Variants in ZCCHC2 observed in about 807,000 individuals in gnomAD.
ZCCHC2 encodes the protein zinc finger CCHC domain-containing protein 2.
A neutral mutation model predicts 103.6 loss-of-function variants in ZCCHC2; 39 were observed. The observed-to-expected ratio is 0.38, with a 90% confidence interval of 0.29 to 0.49. The LOEUF is 0.49. ZCCHC2 is among the 20% of genes least tolerant of loss of function. The pLI is 0.96. For synonymous variants in ZCCHC2, 687 were observed against 608.9 expected (o/e 1.13, Z -1.89); for missense variants, 1,483 against 1,491.0 (o/e 0.99, Z 0.09).
At chr18:62,556,432 A>G in intron 6 of ZCCHC2, 135 bp downstream of exon 6, 1 of 687,490 alleles carries the variant, frequency 1.5e-6, no homozygotes, top group Non-Finnish European at 2.3e-6. Context: ...TGTCATTTTT[A>G]ATGAGTTTTT....
In ZCCHC2 at chr18:62,527,026, C is replaced by CCCCCCCCG. The variant is rs56300716; in HGVS notation, c.939+2666_939+2667insCCCCGCCC. 55 of 36,570 alleles carry CCCCCCCCG rather than the reference C, an allele frequency of 1.5e-3. 2 individuals are homozygous for CCCCCCCCG. Among genetic ancestry groups the CCCCCCCCG allele is most frequent in the Middle Eastern group, 0.014 (1 of 70 alleles). 2.3% of individuals were successfully genotyped at this position (36,570 alleles called of 1,614,324 possible). The stretch of plus-strand genomic sequence containing the variant: ...GCAGCATTTCCCCCGCCCCCCCCCC[C>CCCCCCCCG]CCCGAAAGTAACCTTTTAGACACAA... On this transcript the variant is annotated intron_variant, in intron 1 of 13. Coordinates refer to ENST00000269499, the MANE Select transcript of ZCCHC2 (RefSeq NM_017742.6).
At chr18:62,582,352 C>T (rs1917058328), downstream of ZCCHC2, among the ~76,000 whole-genome samples, 1 of 152,172 alleles carries the variant, frequency 6.6e-6, no homozygotes, top group Admixed American at 6.5e-5. Flanking sequence ...CTTTATTTTC[C>T]CTAGATGTAA....
chr18:62,528,051 G>A (rs1489170266), intron 1 of ZCCHC2, among the ~76,000 whole-genome samples: 2 of 152,164 alleles, frequency 1.3e-5, no homozygotes, highest in Admixed American at 1.3e-4. Context: ...TCATAGTAGT[G>A]GTTATTGATT....
At chr18:62,524,410 C>T in intron 1 of ZCCHC2, 47 bp downstream of exon 1, 1 of 1,428,586 alleles carries the variant, frequency 7.0e-7, no homozygotes, top group East Asian at 2.7e-5. Context: ...ATCGCTGCCC[C>T]GGCGGCCTCC....
chr18:62,537,455 G>A (rs1309387442), intron 1 of ZCCHC2, among the ~76,000 whole-genome samples: 1 of 152,184 alleles, frequency 6.6e-6, no homozygotes, highest in African/African-American at 2.4e-5. Context: ...GCAGGCGTGA[G>A]CTACCACACC....
At chr18:62,529,534 G>A (rs1914593426) in intron 1 of ZCCHC2, among the ~76,000 whole-genome samples, 1 of 152,204 alleles carries the variant, frequency 6.6e-6, no homozygotes, top group African/African-American at 2.4e-5. Context: ...TTTTAGGTTG[G>A]TTTGGCTACA....
At chr18:62,539,144 CAGTT>C (rs1267022295) in intron 1 of ZCCHC2, among the ~76,000 whole-genome samples, 1 of 152,172 alleles carries the variant, frequency 6.6e-6, no homozygotes, top group Non-Finnish European at 1.5e-5. Context: ...TGAGCAAACT[CAGTT>C]AGGTTTAGAG....
At chr18:62,571,913 G>A (rs1916613005) in intron 12 of ZCCHC2, among the ~76,000 whole-genome samples, 1 of 152,154 alleles carries the variant, frequency 6.6e-6, no homozygotes, top group Non-Finnish European at 1.5e-5. Context: ...CTTTTACTTT[G>A]CAGTTACTTT....
At chr18:62,533,161 T>G (rs1424853693) in intron 1 of ZCCHC2, among the ~76,000 whole-genome samples, 1 of 152,258 alleles carries the variant, frequency 6.6e-6, no homozygotes, top group African/African-American at 2.4e-5. Context: ...CTCATTTTTT[T>G]GTCAGTGTTG....
intron 11 of ZCCHC2, among the ~76,000 whole-genome samples, chr18:62,567,915 A>G (rs917880202): frequency 7.2e-6 from 1 of 138,140 alleles, no homozygotes; most frequent in Non-Finnish European, 1.5e-5. Flanking sequence ...ACTGTACTCC[A>G]GCCGGGGCGA....
Position 62,523,424 on chromosome 18 carries a change from G to A in ZCCHC2, c.-1G>A, listed in dbSNP as rs1914143473. ...GCATGTCTGCGCCGCCCTAGCCGAG[G>A]ATGCTGAGGATGAAGCTGCCGCTGA... On this transcript the variant is annotated 5_prime_UTR_variant, in exon 1 of 14. Transcript: ENST00000269499. 2 of 1,079,954 alleles carry A rather than the reference G, an allele frequency of 1.9e-6. No individual in the cohort carries two copies. Among genetic ancestry groups the A allele is most frequent in the Non-Finnish European group, 2.3e-6 (2 of 881,012 alleles). The allele number at this position is 1,079,954 out of a possible 1,614,324, so 66.9% of individuals were successfully genotyped here.
At chr18:62,560,715 T>A (rs990690675) in intron 8 of ZCCHC2, 71 bp downstream of exon 8, 3 of 1,089,774 alleles carry the variant, frequency 2.8e-6, no homozygotes, top group African/African-American at 1.6e-5. Context: ...TTAATTAAAT[T>A]TCTGATGTAT....
chr18:62,560,324 G>C (rs1916062875), intron 7 of ZCCHC2: 1 of 316,254 alleles, frequency 3.2e-6, no homozygotes, highest in Admixed American at 4.8e-5. Flanking sequence ...TAGTTTTGTA[G>C]GGACATGCTC....
intron 4 of ZCCHC2, among the ~76,000 whole-genome samples, chr18:62,548,550 G>A (rs1460902492): frequency 6.6e-6 from 1 of 152,148 alleles, no homozygotes; most frequent in Non-Finnish European, 1.5e-5. Context: ...ATGGGTAGTA[G>A]GATATATGCC....
At chr18:62,526,598 A>C (rs1914407892) in intron 1 of ZCCHC2, among the ~76,000 whole-genome samples, 1 of 152,076 alleles carries the variant, frequency 6.6e-6, no homozygotes, top group African/African-American at 2.4e-5. Context: ...AGTCCGGCCC[A>C]GCTGTTCTCG....
At position 62,574,362 on chromosome 18, in the gene ZCCHC2, A is replaced by T; in HGVS notation, c.2281A>T (p.Ile761Leu). The stretch of plus-strand genomic sequence containing the variant: ...TCCTAGTCCTGTTGCTATTTCTGCA[A>T]TAAGGGAGTCTGCAAATTCAACCCC... Reference protein sequence around the residue: ...LVPSPVAISAIRESANSTPVG... With the variant: ...LVPSPVAISALRESANSTPVG... The change falls in exon 13 of 14, where the codon ATA (isoleucine) becomes TTA (leucine). Residue 761 changes from isoleucine to leucine, a missense_variant. Transcript: ENST00000269499. The T allele has an allele frequency of 6.2e-7, 1 of 1,614,026 alleles. No homozygotes were observed. The highest frequency in any genetic ancestry group is 8.5e-7 in the Non-Finnish European group (1 of 1,179,888).
At chr18:62,531,666 G>A (rs182668554) in intron 1 of ZCCHC2, among the ~76,000 whole-genome samples, 1 of 152,212 alleles carries the variant, frequency 6.6e-6, no homozygotes, top group East Asian at 1.9e-4. Context: ...CAGATGTTAG[G>A]TGAGGTGCGG....
chr18:62,542,384 G>A (rs1915234330), intron 2 of ZCCHC2, 114 bp from the exon 3 acceptor site: 1 of 674,094 alleles, frequency 1.5e-6, no homozygotes, highest in South Asian at 2.6e-5. Context: ...TCATAAAGAT[G>A]AAAGTGAGTA....
At chr18:62,527,654 A>G (rs920479777) in intron 1 of ZCCHC2, among the ~76,000 whole-genome samples, 1 of 152,168 alleles carries the variant, frequency 6.6e-6, no homozygotes, top group African/African-American at 2.4e-5. Context: ...TACAAAATTC[A>G]GCAAAGAGGC....
Sources: gnomAD v4.1 joint callset for allele counts (sites outside exome capture counted in the v4.1 genomes callset) on GRCh38, gnomAD v4.1.1 for gene constraint, MANE v1.5 for transcripts, NCBI Gene and HGNC (gene_info 2026-07-23, HGNC 2026-07-21) for gene names.